EIF4B: variants seen among roughly 807,000 people sequenced by gnomAD.
EIF4B encodes eukaryotic translation initiation factor 4B.
A neutral mutation model predicts 79.3 loss-of-function variants in EIF4B; 8 were observed. The ratio of observed to expected loss-of-function variants is 0.10; its 90% CI spans 0.06 to 0.18. The LOEUF (loss-of-function observed/expected upper bound fraction) is 0.18. Ranked by LOEUF, EIF4B falls within the 10% of genes least tolerant of loss-of-function variation. The probability of loss-of-function intolerance (pLI) is 1.00; values close to 1 mark genes in which losing one functional copy is unlikely to be tolerated. For synonymous variants in EIF4B, 238 were observed against 274.7 expected (o/e 0.87, Z 1.32); for missense variants, 515 against 792.4 (o/e 0.65, Z 4.20).
At chr12:53,027,137 A>ATTATTATTATTATTATTTTTTTTTT (rs1943349413) in intron 6 of EIF4B, among the ~76,000 whole-genome samples, 1 of 25,722 alleles carries the variant, frequency 3.9e-5, no homozygotes, top group African/African-American at 8.2e-5. Context: ...AAAAAAAAAA[A>ATTATTATTATTATTATTTTTTTTTT]TTTTTTTTTT....
intron 13 of EIF4B, 120 bp downstream of exon 13, chr12:53,039,463 A>G (rs1364609536): frequency 1.6e-6 from 2 of 1,219,846 alleles, no homozygotes; most frequent in African/African-American, 1.5e-5. Context: ...AAAGTCAGCC[A>G]ACGTAGACAG....
intron 1 of EIF4B, among the ~76,000 whole-genome samples, chr12:53,009,963 A>G (rs1436607994): frequency 6.6e-6 from 1 of 152,216 alleles, no homozygotes; most frequent in Non-Finnish European, 1.5e-5. Context: ...TTAAGTAATT[A>G]TTTGTAATTA....
chr12:53,022,772 G>T, intron 6 of EIF4B, 145 bp downstream of exon 6: 1 of 1,020,376 alleles, frequency 9.8e-7, no homozygotes. Flanking sequence ...GTATCTGAAA[G>T]AACTGATAGA....
At position 53,011,018 on chromosome 12, in the gene EIF4B, C is replaced by T. The variant is rs556200124; in HGVS notation, c.13+4522C>T. 2.6e-5 allele frequency among the ~76,000 whole-genome samples: 4 copies of T among 152,272 alleles called. No individual in the cohort carries two copies. In the South Asian group the frequency reaches 8.3e-4, roughly 32 times the overall value. ...GTGGCTCACTCCTGTAATCCCAGCACTTTGGGATGCCAAGGCAAGAGGATC... is the reference window on the plus strand; with the variant it reads ...GTGGCTCACTCCTGTAATCCCAGCATTTTGGGATGCCAAGGCAAGAGGATC... On this transcript the variant is annotated intron_variant, in intron 1 of 14. Coordinates refer to ENST00000262056, the MANE Select transcript of EIF4B (RefSeq NM_001417.7).
chr12:53,008,842 C>T (rs140750727), intron 1 of EIF4B, among the ~76,000 whole-genome samples: 1 of 152,036 alleles, frequency 6.6e-6, no homozygotes, highest in African/African-American at 2.4e-5. Context: ...GGAGACCAAC[C>T]TGACCAACAT....
intron 1 of EIF4B, among the ~76,000 whole-genome samples, chr12:53,011,030 A>C (rs1042285059): frequency 2.6e-5 from 4 of 152,132 alleles, no homozygotes; most frequent in Non-Finnish European, 4.4e-5. Context: ...TTGGGATGCC[A>C]AGGCAAGAGG....
chr12:53,008,438 G>A (rs1943005363), intron 1 of EIF4B, among the ~76,000 whole-genome samples: 1 of 152,196 alleles, frequency 6.6e-6, no homozygotes, highest in South Asian at 2.1e-4. Flanking sequence ...GGGGTTTATC[G>A]GATTGTTTCC....
chr12:53,039,460 G>A lies in EIF4B; in HGVS notation c.1682+117G>A. ...GCTCATTGTGAGCAAACTAAAGTCAGCCAACGTAGACAGTTAAGATTCTGA... is the reference window on the plus strand; with the variant it reads ...GCTCATTGTGAGCAAACTAAAGTCAACCAACGTAGACAGTTAAGATTCTGA... On this transcript the variant is annotated intron_variant, in intron 13 of 14. Transcript: ENST00000262056. 7 of 1,223,884 alleles carry A rather than the reference G, an allele frequency of 5.7e-6. No homozygotes were observed. The South Asian group carries it at 6.0e-5, about 10-fold the overall frequency. The allele number at this position is 1,223,884 out of a possible 1,614,324, so 75.8% of individuals were successfully genotyped here.
At chr12:53,029,927 T>TA (rs56141325) in intron 8 of EIF4B, among the ~76,000 whole-genome samples, 121,983 of 150,906 alleles carry the variant, frequency 0.81, 51,207 homozygotes, top group Non-Finnish European at 0.92. Context: ...TTGTTTTTTT[T>TA]AAAAAAAACT....
chr12:53,013,087 G>A (rs1943092044), intron 1 of EIF4B, among the ~76,000 whole-genome samples: 1 of 152,206 alleles, frequency 6.6e-6, no homozygotes, highest in Non-Finnish European at 1.5e-5. Flanking sequence ...GAGTCAAGGG[G>A]TGAGAGTTGA....
intron 1 of EIF4B, chr12:53,013,730 T>G (rs1204205556): frequency 6.6e-6 from 1 of 150,784 alleles, no homozygotes; most frequent in Non-Finnish European, 1.5e-5. Context: ...GAGGTTATAG[T>G]GAGCCAAGAT....
At chr12:53,017,430 A>G (rs980130302) in intron 2 of EIF4B, among the ~76,000 whole-genome samples, 6 of 152,154 alleles carry the variant, frequency 3.9e-5, no homozygotes, top group Admixed American at 1.3e-4. Flanking sequence ...AGAAGAGTCA[A>G]TTGGACAAGT....
chr12:53,020,625 C>A (rs1362333877), intron 4 of EIF4B, among the ~76,000 whole-genome samples: 1 of 152,108 alleles, frequency 6.6e-6, no homozygotes. Context: ...TCCAAAAACA[C>A]CTTATTGTTT....
intron 6 of EIF4B, chr12:53,025,308 T>C: frequency 6.7e-6 from 3 of 450,398 alleles, no homozygotes; most frequent in South Asian, 4.7e-5. Flanking sequence ...TTTTCTCACC[T>C]GAAACCTTGA....
At position 53,031,708 on chromosome 12, in the gene EIF4B, C is replaced by T. The variant is rs188366070; in HGVS notation, c.980-2098C>T. On this transcript the variant is annotated intron_variant, in intron 8 of 14. Coordinates refer to ENST00000262056, the MANE Select transcript of EIF4B (RefSeq NM_001417.7). ...ATATAAACTGTCGGCTTAAAGCCCT[C>T]GTAGAAAATTTAGATCTTGTTAAAC... Among the ~76,000 whole-genome samples, 78 of 152,276 alleles carry T rather than the reference C, an allele frequency of 5.1e-4. No individual in the cohort carries two copies. In the Middle Eastern group the frequency reaches 0.01, roughly 20 times the overall value.
intron 1 of EIF4B, among the ~76,000 whole-genome samples, chr12:53,015,305 T>A (rs557883599): frequency 6.6e-6 from 1 of 152,328 alleles, no homozygotes; most frequent in African/African-American, 2.4e-5. Context: ...ATCTTCAGCC[T>A]AGCCATCTAA....
At chr12:53,023,141 A>G (rs1943276034) in intron 6 of EIF4B, among the ~76,000 whole-genome samples, 1 of 152,214 alleles carries the variant, frequency 6.6e-6, no homozygotes, top group Non-Finnish European at 1.5e-5. Context: ...AAAAAATCCA[A>G]CAGATTCTAC....
intron 6 of EIF4B, among the ~76,000 whole-genome samples, chr12:53,025,915 G>A (rs1404641073): frequency 1.3e-5 from 2 of 152,002 alleles, no homozygotes; most frequent in East Asian, 3.9e-4. Context: ...AGACCATCCT[G>A]GCTAACACGG....
chr12:53,034,813 CT>C, intron 10 of EIF4B, 104 bp downstream of exon 10: 1 of 1,332,720 alleles, frequency 7.5e-7, no homozygotes, highest in Middle Eastern at 1.8e-4. Context: ...GTCATGAACT[CT>C]TTATTTGGGT....
Sources: gnomAD v4.1 joint callset for allele counts (sites outside exome capture counted in the v4.1 genomes callset) on GRCh38, gnomAD v4.1.1 for gene constraint, MANE v1.5 for transcripts, NCBI Gene and HGNC (gene_info 2026-07-23, HGNC 2026-07-21) for gene names.